CBR4: variants seen among roughly 807,000 people sequenced by gnomAD.
CBR4 encodes the protein 3-oxoacyl-[acyl-carrier-protein] reductase.
In CBR4, 22 loss-of-function variants were observed where a neutral mutation model predicts 21.0. That is an observed-to-expected ratio of 1.05 (90% CI 0.75 to 1.50). CBR4 has a LOEUF of 1.50. CBR4 is among the 40% of genes most tolerant of loss of function. The probability of loss-of-function intolerance (pLI) is 0.00; values close to 1 mark genes in which losing one functional copy is unlikely to be tolerated. For missense variants in CBR4, 302 were observed against 286.3 expected, an observed-to-expected ratio of 1.05 and a Z score of -0.40; for synonymous variants, 100 against 104.4, an observed-to-expected ratio of 0.96 and a Z score of 0.26.
At chr4:168,919,801 A>C (rs2126432339) in intron 2 of CBR4, among the ~76,000 whole-genome samples, 1 of 152,252 alleles carries the variant, frequency 6.6e-6, no homozygotes, top group African/African-American at 2.4e-5. Context: ...TGCTGAGAGT[A>C]CAGATCTAGT....
intron 2 of CBR4, among the ~76,000 whole-genome samples, chr4:168,962,854 G>T (rs995095447): frequency 2.0e-5 from 3 of 151,990 alleles, no homozygotes; most frequent in African/African-American, 7.2e-5. Flanking sequence ...TCAGAAAGAG[G>T]AAGAAAATCA....
Position 169,009,947 on chromosome 4 carries a change from C to T in CBR4, c.142+1G>A, listed in dbSNP as rs1459531272. 6.2e-7 allele frequency: 1 copy of T among 1,610,454 alleles called. No individual in the cohort carries two copies. The highest frequency in any genetic ancestry group is 1.3e-5 in the African/African-American group (1 of 74,878). On this transcript the variant is annotated splice_donor_variant, in intron 1 of 4. Coordinates refer to ENST00000306193, the MANE Select transcript of CBR4 (RefSeq NM_032783.5). LOFTEE classifies it high-confidence loss of function. ...CTGGACAACTCCAGTTTGGTACCTA[C>T]CGCCGAGGTCACCGGCGGCGGCTTT...
At chr4:168,894,523 G>A (rs2151216578) in intron 3 of CBR4, 2 of 1,054,104 alleles carry the variant, frequency 1.9e-6, no homozygotes, top group Admixed American at 1.8e-5. Context: ...TCATAGGGCA[G>A]TACATATTTG....
At chr4:168,976,780 T>C (rs1460593434) in intron 2 of CBR4, among the ~76,000 whole-genome samples, 1 of 152,200 alleles carries the variant, frequency 6.6e-6, no homozygotes, top group Non-Finnish European at 1.5e-5. Flanking sequence ...AGTCAATTTA[T>C]CAGTTAGGGT....
At chr4:168,936,998 G>A (rs948497205) in intron 2 of CBR4, among the ~76,000 whole-genome samples, 1 of 152,152 alleles carries the variant, frequency 6.6e-6, no homozygotes, top group Non-Finnish European at 1.5e-5. Flanking sequence ...CACCAAGGTT[G>A]AAGAAATGAA....
rs182928181 is a variant in CBR4, at chr4:168,978,129, C to G, written n.169+23942G>C. ...GCATCATCTAGACCTACAGCCTCAT[C>G]TCATACCCATGTTCTCCTCCTCTGC... On this transcript the variant is annotated intron_variant and non_coding_transcript_variant, in intron 2 of 3. Coordinates refer to the CBR4 transcript ENST00000509108. Among the ~76,000 whole-genome samples the G allele has an allele frequency of 1.2e-4, 19 of 152,318 alleles. No homozygotes were observed. The East Asian group carries it at 3.5e-3, about 28-fold the overall frequency.
chr4:168,916,805 C>T (rs973495001), intron 2 of CBR4, among the ~76,000 whole-genome samples: 13 of 148,316 alleles, frequency 8.8e-5, no homozygotes, highest in Non-Finnish European at 1.8e-4. Context: ...TGAGTAGCTG[C>T]GATTACAGGC....
rs774078101 is a variant in CBR4, at chr4:168,924,285, T to C, written n.170-29520A>G. On this transcript the variant is annotated intron_variant and non_coding_transcript_variant, in intron 2 of 3. Coordinates refer to the CBR4 transcript ENST00000509108. ...GAAGCACACAAACCCCCTGTGTTTA[T>C]TGAGAAGCTCCAAAACACAGGAGTT... The C allele has an allele frequency of 1.5e-5, 25 of 1,613,876 alleles. No homozygotes were observed. Among genetic ancestry groups the C allele is most frequent in the African/African-American group, 5.3e-5 (4 of 74,908 alleles).
At chr4:169,002,720 T>C (rs535163955) in intron 3 of CBR4, among the ~76,000 whole-genome samples, 28 of 151,366 alleles carry the variant, frequency 1.8e-4, no homozygotes, top group Non-Finnish European at 3.4e-4. Flanking sequence ...TTCTGCTTTA[T>C]TGTGCTTTGC....
intron 4 of CBR4, among the ~76,000 whole-genome samples, chr4:168,997,419 T>G (rs894864304): frequency 2.0e-5 from 3 of 152,170 alleles, no homozygotes; most frequent in Non-Finnish European, 4.4e-5. Flanking sequence ...TCCTGCCCAA[T>G]GAGGATTTAT....
At chr4:168,934,282 C>CAAAAAAAAAAAAAAAAAAAA (rs60538970) in intron 2 of CBR4, among the ~76,000 whole-genome samples, 18 of 18,200 alleles carry the variant, frequency 9.9e-4, no homozygotes, top group African/African-American at 1.5e-3. Flanking sequence ...GCAAAAAAAA[C>CAAAAAAAAAAAAAAAAAAAA]AAAAAAAAAA....
intron 4 of CBR4, among the ~76,000 whole-genome samples, chr4:168,994,079 C>A (rs1765059688): frequency 6.6e-6 from 1 of 152,162 alleles, no homozygotes; most frequent in Non-Finnish European, 1.5e-5. Context: ...GGTCTCACGG[C>A]CTTCAGAGCT....
intron 3 of CBR4, among the ~76,000 whole-genome samples, chr4:169,004,679 G>A (rs757467105): frequency 3.0e-4 from 45 of 152,190 alleles, no homozygotes; most frequent in Middle Eastern, 3.4e-3. Context: ...TGACATATTC[G>A]CTTTATTCCG....
downstream of CBR4, among the ~76,000 whole-genome samples, chr4:168,984,847 C>G (rs985750300): frequency 3.9e-5 from 6 of 152,156 alleles, no homozygotes; most frequent in Admixed American, 3.9e-4. Context: ...GCTGGGATAA[C>G]TGGCTAGACA....
chr4:168,999,279 C>T (rs113766413), intron 4 of CBR4, among the ~76,000 whole-genome samples: 1,599 of 152,174 alleles, frequency 0.011, 21 homozygotes, highest in African/African-American at 0.021. Flanking sequence ...ACCAGGAAAA[C>T]TGACATAAAA....
intron 2 of CBR4, among the ~76,000 whole-genome samples, chr4:168,942,876 A>T (rs1369551946): frequency 3.3e-5 from 5 of 152,154 alleles, no homozygotes; most frequent in African/African-American, 1.2e-4. Context: ...AAAATTCTCA[A>T]CATCACTAAT....
At chr4:168,901,791 G>C (rs1560888013) in intron 2 of CBR4, among the ~76,000 whole-genome samples, 1 of 152,186 alleles carries the variant, frequency 6.6e-6, no homozygotes, top group East Asian at 1.9e-4. Context: ...CCGGGAGGCA[G>C]AAATTGCAGT....
chr4:168,932,412 A>C (rs1762996452), intron 2 of CBR4, among the ~76,000 whole-genome samples: 2 of 152,102 alleles, frequency 1.3e-5, no homozygotes, highest in South Asian at 4.1e-4. Context: ...AAGAATAAAG[A>C]AAGCCTACAG....
At chr4:168,974,366 T>C (rs1404486885) in intron 2 of CBR4, among the ~76,000 whole-genome samples, 1 of 152,234 alleles carries the variant, frequency 6.6e-6, no homozygotes, top group Non-Finnish European at 1.5e-5. Flanking sequence ...TGACTTTTGA[T>C]AACCTGATGA....
Sources: allele counts gnomAD v4.1 joint callset (sites outside exome capture counted in the v4.1 genomes callset), GRCh38; gene constraint gnomAD v4.1.1; transcripts MANE v1.5; gene names NCBI Gene and HGNC (gene_info 2026-07-23, HGNC 2026-07-21).